IP6K1: variants seen among roughly 807,000 people sequenced by gnomAD.
The protein encoded by IP6K1 is inositol hexakisphosphate kinase 1, also known as ATP:1D-myo-inositol-hexakisphosphate phosphotransferase.
Under a neutral mutation model 38.3 loss-of-function variants are expected in IP6K1, and 13 were observed. The observed-to-expected ratio is 0.34, with a 90% CI of 0.22 to 0.54. IP6K1 has a LOEUF of 0.54. Among genes scored for constraint, IP6K1 ranks in the 20% least tolerant of loss-of-function variants. The probability of loss-of-function intolerance (pLI) is 0.92; values close to 1 mark genes in which losing one functional copy is unlikely to be tolerated. For missense variants in IP6K1, 397 were observed against 599.8 expected (o/e 0.66, Z 3.53); for synonymous variants, 212 against 229.9 (o/e 0.92, Z 0.70).
intron 1 of IP6K1, among the ~76,000 whole-genome samples, chr3:49,765,643 CT>C (rs1260464011): frequency 1.1e-5 from 1 of 89,358 alleles, no homozygotes; most frequent in East Asian, 3.1e-4. Flanking sequence ...CGAGACTCGT[CT>C]TAAAAAAAAA....
intron 1 of IP6K1, among the ~76,000 whole-genome samples, chr3:49,765,976 A>AC (rs771572032): frequency 1.2e-4 from 19 of 152,002 alleles, no homozygotes; most frequent in Non-Finnish European, 2.6e-4. Context: ...GGAGATCAAG[A>AC]CCATCCTGGC....
chr3:49,781,174 G>A (rs2081062191), intron 1 of IP6K1, among the ~76,000 whole-genome samples: 1 of 151,158 alleles, frequency 6.6e-6, no homozygotes, highest in African/African-American at 2.4e-5. Context: ...TGATTCTACT[G>A]CTTCAATCTT....
At chr3:49,756,826 A>G (rs1448061250) in intron 1 of IP6K1, among the ~76,000 whole-genome samples, 1 of 143,392 alleles carries the variant, frequency 7.0e-6, no homozygotes, top group Admixed American at 7.0e-5. Flanking sequence ...TCAAAAAAAA[A>G]AAAAAAAAAA....
chr3:49,780,017 T>C (rs9829155), intron 1 of IP6K1, among the ~76,000 whole-genome samples: 27,523 of 152,084 alleles, frequency 0.18, 2,839 homozygotes, highest in African/African-American at 0.26. Context: ...ATTTATAAGA[T>C]GCTCTTATTC....
chr3:49,750,799 C>T (rs2080767740), intron 1 of IP6K1, among the ~76,000 whole-genome samples: 1 of 152,222 alleles, frequency 6.6e-6, no homozygotes, highest in Non-Finnish European at 1.5e-5. Flanking sequence ...GTCCACTCTT[C>T]AGTCTATCTA....
At chr3:49,758,737 A>AG (rs778053215) in intron 1 of IP6K1, 1 of 152,238 alleles carries the variant, frequency 6.6e-6, no homozygotes, top group Non-Finnish European at 1.5e-5. Flanking sequence ...TGAGGCAGGC[A>AG]GATCACCTGA....
At chr3:49,750,896 A>G (rs529242784) in intron 1 of IP6K1, among the ~76,000 whole-genome samples, 1 of 152,248 alleles carries the variant, frequency 6.6e-6, no homozygotes, top group South Asian at 2.1e-4. Context: ...GAGTAAATAT[A>G]CCACATATCT....
chr3:49,782,195 G>A (rs1406902967), intron 1 of IP6K1, among the ~76,000 whole-genome samples: 2 of 151,404 alleles, frequency 1.3e-5, no homozygotes, highest in African/African-American at 2.4e-5. Flanking sequence ...TTTTGAGACG[G>A]AGTCTAGCTC....
chr3:49,732,713 A>G, intron 4 of IP6K1, 78 bp downstream of exon 4: 2 of 1,198,658 alleles, frequency 1.7e-6, no homozygotes, highest in Non-Finnish European at 2.3e-6. Context: ...CAAAGACCTC[A>G]GCCATAGGCA....
intron 1 of IP6K1, among the ~76,000 whole-genome samples, chr3:49,784,943 C>CA (rs1294895986): frequency 2.0e-5 from 3 of 151,804 alleles, no homozygotes; most frequent in African/African-American, 7.3e-5. Flanking sequence ...GACTCCATCT[C>CA]AAAAAAACAA....
intron 1 of IP6K1, among the ~76,000 whole-genome samples, chr3:49,752,194 A>T (rs935308545): frequency 3.9e-5 from 6 of 151,912 alleles, no homozygotes; most frequent in Non-Finnish European, 7.4e-5. Flanking sequence ...TTTTTTTTTT[A>T]AAGACAGGGT....
chr3:49,776,068 G>A (rs1477330645), intron 1 of IP6K1, among the ~76,000 whole-genome samples: 1 of 151,370 alleles, frequency 6.6e-6, no homozygotes, highest in Admixed American at 6.6e-5. Context: ...AACAAGAAAT[G>A]TAGCCATTTA....
intron 1 of IP6K1, among the ~76,000 whole-genome samples, chr3:49,782,092 A>AC (rs1156405909): frequency 2.6e-5 from 4 of 151,694 alleles, no homozygotes; most frequent in African/African-American, 9.7e-5. Context: ...ACCTGTCTCA[A>AC]AAAAAAATTA....
rs536144557 is a variant in IP6K1, at chr3:49,739,649, G to A, written c.224-1227C>T. On this transcript the variant is annotated intron_variant, in intron 2 of 5. Coordinates refer to ENST00000321599, the MANE Select transcript of IP6K1 (RefSeq NM_153273.4). ...ATTACAGGCGTGAGCCACCAGGCCCGGCCTAAAGTTCTTTATAATATTCTT... is the reference window on the plus strand; with the variant it reads ...ATTACAGGCGTGAGCCACCAGGCCCAGCCTAAAGTTCTTTATAATATTCTT... 1.6e-4 allele frequency among the ~76,000 whole-genome samples: 24 copies of A among 151,900 alleles called. No individual in the cohort carries two copies. In the South Asian group the frequency reaches 3.3e-3, roughly 21 times the overall value.
intron 1 of IP6K1, among the ~76,000 whole-genome samples, chr3:49,756,500 GAAA>G (rs2080824106): frequency 1.3e-5 from 2 of 152,248 alleles, no homozygotes; most frequent in South Asian, 4.1e-4. Flanking sequence ...TGATACAGGG[GAAA>G]TCAAAATGAA....
chr3:49,735,687 C>T (rs1418970763), intron 3 of IP6K1, among the ~76,000 whole-genome samples: 1 of 152,174 alleles, frequency 6.6e-6, no homozygotes, highest in African/African-American at 2.4e-5. Flanking sequence ...TGACACATAA[C>T]CCCACTCAGC....
chr3:49,744,235 T>C (rs1407971332), intron 2 of IP6K1, among the ~76,000 whole-genome samples: 1 of 151,484 alleles, frequency 6.6e-6, no homozygotes, highest in African/African-American at 2.4e-5. Context: ...ACCCTGTCTC[T>C]ACTAAAAATA....
intron 1 of IP6K1, among the ~76,000 whole-genome samples, chr3:49,754,362 T>G (rs1228894706): frequency 1.4e-5 from 2 of 142,358 alleles, no homozygotes; most frequent in African/African-American, 5.1e-5. Flanking sequence ...GGTGACAGAT[T>G]CAGATCTTGT....
chr3:49,784,239 C>T (rs1430714726), intron 1 of IP6K1, among the ~76,000 whole-genome samples: 3 of 151,920 alleles, frequency 2.0e-5, no homozygotes, highest in Non-Finnish European at 4.4e-5. Flanking sequence ...TCAGGTGATC[C>T]GCCCGCCTCA....
Sources: allele counts gnomAD v4.1 joint callset (sites outside exome capture counted in the v4.1 genomes callset), GRCh38; gene constraint gnomAD v4.1.1; transcripts MANE v1.5; gene names NCBI Gene and HGNC (gene_info 2026-07-23, HGNC 2026-07-21).